Variants in NEGR1 observed in about 807,000 individuals in gnomAD.
The protein encoded by NEGR1 is neuronal growth regulator 1.
In NEGR1, 10 loss-of-function variants were observed where a neutral mutation model predicts 40.9. The observed-to-expected ratio is 0.24, with a 90% confidence interval of 0.15 to 0.42. NEGR1 has a LOEUF of 0.42. Among genes scored for constraint, NEGR1 ranks in the 10% least tolerant of loss-of-function variants. The pLI is 1.00. For synonymous variants in NEGR1, 185 were observed against 166.8 expected (o/e 1.11, Z -0.84); for missense variants, 352 against 438.9 (o/e 0.80, Z 1.77).
chr1:71,750,024 T>G (rs1655516091), intron 3 of NEGR1, among the ~76,000 whole-genome samples: 1 of 143,934 alleles, frequency 6.9e-6, no homozygotes, highest in Non-Finnish European at 1.5e-5. Context: ...TCTCGCTCTG[T>G]CGCCCAGGCC....
chr1:71,648,782 T>G (rs184498736), intron 4 of NEGR1, among the ~76,000 whole-genome samples: 17 of 152,184 alleles, frequency 1.1e-4, no homozygotes, highest in South Asian at 2.1e-4. Flanking sequence ...CAACCCTTCT[T>G]GTTGATTGCT....
chr1:72,208,195 A>G (rs1653478790), intron 1 of NEGR1, among the ~76,000 whole-genome samples: 1 of 151,674 alleles, frequency 6.6e-6, no homozygotes, highest in Non-Finnish European at 1.5e-5. Context: ...GCCTGCATGC[A>G]TGTGTGTGTG....
intron 1 of NEGR1, among the ~76,000 whole-genome samples, chr1:72,079,062 T>C (rs936056212): frequency 2.1e-5 from 3 of 143,580 alleles, no homozygotes; most frequent in Non-Finnish European, 4.5e-5. Context: ...TTAATAGATA[T>C]ATGTCAATGG....
chr1:71,578,249 G>C (rs1305992634), intron 6 of NEGR1, among the ~76,000 whole-genome samples: 1 of 152,052 alleles, frequency 6.6e-6, no homozygotes. Context: ...GCTGGGACTA[G>C]AGATGTAAGT....
intron 1 of NEGR1, among the ~76,000 whole-genome samples, chr1:72,069,291 ACT>A (rs1232095580): frequency 1.3e-5 from 2 of 151,784 alleles, no homozygotes; most frequent in Admixed American, 1.3e-4. Context: ...AAATAAAAAA[ACT>A]CATAGCCAGG....
intron 1 of NEGR1, among the ~76,000 whole-genome samples, chr1:72,177,742 G>A (rs1022851836): frequency 6.7e-6 from 1 of 150,164 alleles, no homozygotes; most frequent in African/African-American, 2.4e-5. Context: ...CCATTTAAAC[G>A]TAATTATAGA....
At chr1:71,920,044 C>G (rs188039687) in intron 2 of NEGR1, among the ~76,000 whole-genome samples, 2 of 152,244 alleles carry the variant, frequency 1.3e-5, no homozygotes, top group East Asian at 3.9e-4. Context: ...AGCAGTTGAG[C>G]TCAGCAATTA....
chr1:71,885,592 C>T lies in NEGR1; in HGVS notation c.409+49487G>A, dbSNP rs138251960. 7.5e-3 allele frequency among the ~76,000 whole-genome samples: 1,141 copies of T among 152,210 alleles called. 21 individuals carry two copies. The highest frequency in any genetic ancestry group is 6.7e-3 in the Non-Finnish European group (453 of 67,996). ...TGAATTAAAAAACACGAAGTGTATA[C>T]ATAAAAGCTGAAAGGAGGCAATATA... On this transcript the variant is annotated intron_variant, in intron 2 of 6. Transcript: ENST00000357731.
At chr1:71,989,652 CCA>C (rs1646432551) in intron 1 of NEGR1, among the ~76,000 whole-genome samples, 1 of 152,194 alleles carries the variant, frequency 6.6e-6, no homozygotes, top group South Asian at 2.1e-4. Flanking sequence ...ATATGTGTGA[CCA>C]TAAATTGCAC....
At chr1:71,721,474 C>CA (rs944487693) in intron 3 of NEGR1, among the ~76,000 whole-genome samples, 4 of 118,930 alleles carry the variant, frequency 3.4e-5, no homozygotes, top group African/African-American at 1.0e-4. Context: ...CTCATTGGTA[C>CA]AAAAAATAAA....
At chr1:71,908,201 C>A (rs148527643) in intron 2 of NEGR1, among the ~76,000 whole-genome samples, 1 of 144,020 alleles carries the variant, frequency 6.9e-6, no homozygotes, top group Non-Finnish European at 1.5e-5. Context: ...AGAACCACAA[C>A]GAAATGCCAC....
chr1:72,139,669 C>T (rs1416507806), intron 1 of NEGR1, among the ~76,000 whole-genome samples: 1 of 151,810 alleles, frequency 6.6e-6, no homozygotes, highest in Middle Eastern at 3.2e-3. Context: ...AAAATGAAAA[C>T]CAATCTATCA....
intron 1 of NEGR1, among the ~76,000 whole-genome samples, chr1:72,000,402 G>C (rs1241578793): frequency 5.3e-5 from 8 of 151,632 alleles, no homozygotes; most frequent in Non-Finnish European, 8.8e-5. Flanking sequence ...TTACAAATGA[G>C]GAAATAGAGT....
At chr1:72,015,332 T>TA (rs905671439) in intron 1 of NEGR1, among the ~76,000 whole-genome samples, 161 of 147,614 alleles carry the variant, frequency 1.1e-3, no homozygotes, top group East Asian at 2.9e-3. Context: ...GCACTTCTTC[T>TA]AAAAAAAAAA....
intron 1 of NEGR1, among the ~76,000 whole-genome samples, chr1:72,171,153 A>G (rs1651948983): frequency 2.0e-5 from 3 of 152,146 alleles, no homozygotes; most frequent in African/African-American, 7.2e-5. Context: ...CCCTTTCCAG[A>G]GCAGGAAGGA....
chr1:72,245,539 A>G (rs563495701), intron 1 of NEGR1, among the ~76,000 whole-genome samples: 26 of 152,228 alleles, frequency 1.7e-4, no homozygotes, highest in African/African-American at 6.3e-4. Context: ...ATTCAGATAT[A>G]TTTTGCAAAT....
intron 1 of NEGR1, among the ~76,000 whole-genome samples, chr1:71,942,524 C>T (rs1645975377): frequency 2.2e-5 from 1 of 44,488 alleles, no homozygotes; most frequent in Non-Finnish European, 4.0e-5. Flanking sequence ...TTTTTTGAGA[C>T]GGAGTCTCGC....
chr1:72,077,654 A>T (rs1647805500), intron 1 of NEGR1, among the ~76,000 whole-genome samples: 1 of 151,290 alleles, frequency 6.6e-6, no homozygotes, highest in South Asian at 2.1e-4. Flanking sequence ...ATAAATAAAT[A>T]AATAAATAAA....
At chr1:71,649,332 G>A (rs55645049) in intron 4 of NEGR1, among the ~76,000 whole-genome samples, 5,585 of 151,998 alleles carry the variant, frequency 0.037, 134 homozygotes, top group African/African-American at 0.073. Context: ...TGATGACCCA[G>A]GAATTCCAAT....
Sources: gnomAD v4.1 joint callset for allele counts (sites outside exome capture counted in the v4.1 genomes callset) on GRCh38, gnomAD v4.1.1 for gene constraint, MANE v1.5 for transcripts, NCBI Gene and HGNC (gene_info 2026-07-23, HGNC 2026-07-21) for gene names.